Variants in FAM20A observed in about 807,000 individuals in gnomAD.
FAM20A encodes FAM20A golgi associated secretory pathway pseudokinase.
FAM20A carries 42 observed loss-of-function variants against 52.0 expected under a neutral mutation model. The ratio of observed to expected loss-of-function variants is 0.81; its 90% confidence interval spans 0.63 to 1.04. The LOEUF is 1.04. Ranked by LOEUF, FAM20A falls within the 50% of genes least tolerant of loss-of-function variation. The pLI is 0.00. For missense variants in FAM20A, 742 were observed against 712.7 expected (o/e 1.04, Z -0.47); for synonymous variants, 304 against 298.9 (o/e 1.02, Z -0.18).
chr17:68,587,250 C>T (rs1418058220), intron 1 of FAM20A, among the ~76,000 whole-genome samples: 1 of 152,166 alleles, frequency 6.6e-6, no homozygotes, highest in East Asian at 1.9e-4. Flanking sequence ...CTTGGCTGTA[C>T]AGCTCACAGA....
chr17:68,599,978 C>A (rs905303133), intron 1 of FAM20A, among the ~76,000 whole-genome samples: 1 of 152,144 alleles, frequency 6.6e-6, no homozygotes, highest in Non-Finnish European at 1.5e-5. Context: ...TGGGGCTCAA[C>A]GACGACCCAG....
chr17:68,563,038 G>A (rs1000819519), intron 1 of FAM20A, among the ~76,000 whole-genome samples: 2 of 152,144 alleles, frequency 1.3e-5, no homozygotes, highest in South Asian at 2.1e-4. Flanking sequence ...TATCTGAACG[G>A]AATGGATCCC....
chr17:68,560,970 A>G (rs1481089877), intron 1 of FAM20A, among the ~76,000 whole-genome samples: 1 of 152,184 alleles, frequency 6.6e-6, no homozygotes, highest in South Asian at 2.1e-4. Flanking sequence ...AGTCATTTGC[A>G]TTACATTTGC....
intron 1 of FAM20A, chr17:68,591,788 C>T (rs974420820): frequency 6.6e-6 from 1 of 152,280 alleles, no homozygotes; most frequent in African/African-American, 2.4e-5. Context: ...TGGGGAGGAG[C>T]CTGGCCTCTC....
chr17:68,580,509 G>A (rs2087912870), intron 1 of FAM20A, among the ~76,000 whole-genome samples: 1 of 152,164 alleles, frequency 6.6e-6, no homozygotes, highest in South Asian at 2.1e-4. Flanking sequence ...ACCTTATCCT[G>A]ACCTCATAGA....
chr17:68,570,428 C>T (rs1038371098), intron 1 of FAM20A, among the ~76,000 whole-genome samples: 3 of 152,148 alleles, frequency 2.0e-5, no homozygotes, highest in African/African-American at 7.2e-5. Flanking sequence ...TTATCTCACA[C>T]CTAGTGGATG....
chr17:68,570,322 C>A (rs1050466266), intron 1 of FAM20A, among the ~76,000 whole-genome samples: 8 of 152,220 alleles, frequency 5.3e-5, no homozygotes, highest in Admixed American at 2.6e-4. Flanking sequence ...GACCTGCCTG[C>A]CTCAGCCTCC....
chr17:68,546,084 G>T (rs1600541554), intron 4 of FAM20A, among the ~76,000 whole-genome samples: 2 of 144,952 alleles, frequency 1.4e-5, no homozygotes, highest in Middle Eastern at 3.5e-3. Context: ...CAGGAGAATT[G>T]TTTGAACCCA....
rs1364214765 is a variant in FAM20A at position 68,543,708 on chromosome 17, C to T, written c.733G>A (p.Glu245Lys). 2 of 1,614,082 alleles carry T rather than the reference C, an allele frequency of 1.2e-6. No individual in the cohort carries two copies. The highest frequency in any genetic ancestry group is 1.7e-6 in the Non-Finnish European group (2 of 1,179,922). The change falls in exon 5 of 11, where the codon GAG becomes AAG. Residue 245 changes from glutamate (E) to lysine (K), a missense_variant. Coordinates refer to ENST00000592554, the MANE Select transcript of FAM20A (RefSeq NM_017565.4). ...MFKPMRQQRD[E>K]ETPVDFFYFI... ...TAGAAGAAGTCCACTGGTGTCTCCT[C>T]ATCTCGCTGCTGTCTGGAAGGAAGG...
chr17:68,600,242 C>T lies in FAM20A; in HGVS notation c.404+21G>A. On this transcript the variant is annotated intron_variant, in intron 1 of 10. Coordinates refer to ENST00000592554, the MANE Select transcript of FAM20A (RefSeq NM_017565.4). The surrounding 1 kb of genome is among the most constrained non-coding windows in gnomAD (Gnocchi z 6.2). ...CCCGGCCAGAGCGCCCGCTCTCCCG[C>T]GTCCCGGGCGGGGTCCTCACCTGTT... 6.4e-7 allele frequency: 1 copy of T among 1,551,816 alleles called. No homozygotes were observed. The highest frequency in any genetic ancestry group is 8.7e-7 in the Non-Finnish European group (1 of 1,148,102).
Position 68,600,765 on chromosome 17 carries a change from C to G in FAM20A, c.-99G>C, listed in dbSNP as rs1161092985. The G allele has an allele frequency of 1.5e-6, 2 of 1,345,520 alleles. No homozygotes were observed. The highest frequency in any genetic ancestry group is 5.3e-5 in the East Asian group (2 of 37,942). The allele number at this position is 1,345,520 out of a possible 1,614,324, so 83.3% of individuals were successfully genotyped here. On this transcript the variant is annotated 5_prime_UTR_variant, in exon 1 of 11. Coordinates refer to ENST00000592554, the MANE Select transcript of FAM20A (RefSeq NM_017565.4). This position sits in a 1 kb window ranked among gnomAD's most constrained non-coding sequence, Gnocchi z 6.2. Reference sequence around the variant, plus strand: ...GGCAGAAGAGGTGCCTGGAGTCCCGCGGGTGGGCCGGGGTCAGTGAGACCG... The same window carrying G: ...GGCAGAAGAGGTGCCTGGAGTCCCGGGGGTGGGCCGGGGTCAGTGAGACCG...
chr17:68,595,199 G>A (rs928638114), intron 1 of FAM20A, among the ~76,000 whole-genome samples: 1 of 152,248 alleles, frequency 6.6e-6, no homozygotes, highest in Non-Finnish European at 1.5e-5. Flanking sequence ...AAAGAAGAGT[G>A]TTGTTAGGAA....
At chr17:68,551,787 CT>C (rs1450229038) in intron 4 of FAM20A, 85 bp downstream of exon 4, 38 of 914,550 alleles carry the variant, frequency 4.2e-5, no homozygotes, top group Non-Finnish European at 6.3e-5. Context: ...GGCAGAAAGA[CT>C]TTAGGTCACT....
intron 1 of FAM20A, among the ~76,000 whole-genome samples, chr17:68,559,143 T>C (rs1470109955): frequency 6.6e-6 from 1 of 152,214 alleles, no homozygotes; most frequent in Non-Finnish European, 1.5e-5. Context: ...TTGTTCTAAG[T>C]GTCTAAGTTT....
Position 68,600,812 on chromosome 17 carries a change from G to A in FAM20A, c.-146C>T, listed in dbSNP as rs1598093522. On this transcript the variant is annotated 5_prime_UTR_variant, in exon 1 of 11. Coordinates refer to ENST00000592554, the MANE Select transcript of FAM20A (RefSeq NM_017565.4). The surrounding 1 kb of genome is among the most constrained non-coding windows in gnomAD (Gnocchi z 6.2). ...ACCGGAATGCTCCCCGCGCGGGCTA[G>A]TCCCCTGTGGAGGGGTGTCGCTCCT... 1 of 862,486 alleles carries A rather than the reference G, an allele frequency of 1.2e-6. No individual in the cohort carries two copies. The highest frequency in any genetic ancestry group is 1.7e-6 in the Non-Finnish European group (1 of 582,484). 53.4% of individuals were successfully genotyped at this position (862,486 alleles called of 1,614,324 possible). A position where few individuals can be genotyped will look rare whatever the true frequency, so the allele number is the denominator to read the frequency against.
chr17:68,537,291 A>G lies in FAM20A; in HGVS notation c.*186T>C, dbSNP rs1384935235. On this transcript the variant is annotated 3_prime_UTR_variant, in exon 11 of 11. Coordinates refer to ENST00000592554, the MANE Select transcript of FAM20A (RefSeq NM_017565.4). This position sits in a 1 kb window ranked among gnomAD's most constrained non-coding sequence, Gnocchi z 4.2. ...ACGGAGCAAGGCAACGCACGACAGAAGCGGTGCACCAAGGAGTAAAGATTC... is the reference window on the plus strand; with the variant it reads ...ACGGAGCAAGGCAACGCACGACAGAGGCGGTGCACCAAGGAGTAAAGATTC... 1 of 792,674 alleles carries G rather than the reference A, an allele frequency of 1.3e-6. No individual in the cohort carries two copies. Among genetic ancestry groups the G allele is most frequent in the Non-Finnish European group, 2.1e-6 (1 of 470,878 alleles). The allele number at this position is 792,674 out of a possible 1,614,324, so 49.1% of individuals were successfully genotyped here.
chr17:68,549,050 C>G (rs1346754558), intron 4 of FAM20A, among the ~76,000 whole-genome samples: 1 of 152,072 alleles, frequency 6.6e-6, no homozygotes, highest in Non-Finnish European at 1.5e-5. Context: ...TTTGTTTTAA[C>G]TGACCAGGCA....
chr17:68,540,525 G>A (rs1429200968), intron 8 of FAM20A: 1 of 490,116 alleles, frequency 2.0e-6, no homozygotes, highest in Admixed American at 2.3e-5. Flanking sequence ...CTACATATTT[G>A]TGTACTTTCT....
chr17:68,593,887 A>T (rs2088375884), intron 1 of FAM20A, among the ~76,000 whole-genome samples: 2 of 152,244 alleles, frequency 1.3e-5, no homozygotes, highest in African/African-American at 4.8e-5. Context: ...GGATGTATAT[A>T]GTCAGGGAGG....
Sources: allele counts gnomAD v4.1 joint callset (sites outside exome capture counted in the v4.1 genomes callset), GRCh38; gene constraint gnomAD v4.1.1; non-coding constraint Gnocchi (gnomAD v3.1); transcripts MANE v1.5; gene names NCBI Gene and HGNC (gene_info 2026-07-23, HGNC 2026-07-21).